Variants in TMEM132B observed in about 807,000 individuals in gnomAD.
TMEM132B encodes transmembrane protein 132B.
TMEM132B carries 18 observed loss-of-function variants against 90.8 expected under a neutral mutation model. That is an observed-to-expected ratio of 0.20 (90% CI 0.14 to 0.29). The LOEUF is 0.29. Ranked by LOEUF, TMEM132B falls within the 10% of genes least tolerant of loss-of-function variation. TMEM132B has a pLI of 1.00. For missense variants in TMEM132B, 1,096 were observed against 1,326.8 expected (o/e 0.83, Z 2.70); for synonymous variants, 504 against 523.3 (o/e 0.96, Z 0.50).
chr12:125,434,438 G>C (rs1880638950), intron 3 of TMEM132B, among the ~76,000 whole-genome samples: 1 of 150,320 alleles, frequency 6.7e-6, no homozygotes, highest in African/African-American at 2.5e-5. Flanking sequence ...TCTGTAATGT[G>C]TGTGTCCTTG....
At chr12:125,435,976 C>T (rs978268869) in intron 3 of TMEM132B, among the ~76,000 whole-genome samples, 4 of 152,074 alleles carry the variant, frequency 2.6e-5, no homozygotes, top group African/African-American at 9.7e-5. Context: ...CTCGGTGCCC[C>T]ACAGGGAGGT....
intron 1 of TMEM132B, among the ~76,000 whole-genome samples, chr12:125,271,096 G>A (rs1042141057): frequency 6.6e-6 from 1 of 152,188 alleles, no homozygotes; most frequent in Middle Eastern, 3.4e-3. Flanking sequence ...GACTATAGGT[G>A]TGCACCACCA....
intron 5 of TMEM132B, among the ~76,000 whole-genome samples, chr12:125,631,399 T>C (rs1886365422): frequency 6.6e-6 from 1 of 152,180 alleles, no homozygotes; most frequent in East Asian, 1.9e-4. Context: ...ACTTGTTTTG[T>C]GACCTAACAT....
rs532355178 is a variant in TMEM132B at position 125,344,451 on chromosome 12, C to G, written c.68-5001C>G. Among the ~76,000 whole-genome samples the G allele has an allele frequency of 5.9e-3, 904 of 152,258 alleles. 5 individuals are homozygous for G. The highest frequency in any genetic ancestry group is 0.011 in the Non-Finnish European group (725 of 68,008). On this transcript the variant is annotated intron_variant, in intron 1 of 8. Coordinates refer to ENST00000682704, the MANE Select transcript of TMEM132B (RefSeq NM_001366854.1). ...AGGGGAAGAGGTTAGGTTATCAGAA[C>G]CCAGAAGCTGCTGGGTTAAGCATTA...
chr12:125,399,630 A>T (rs1469714489), intron 2 of TMEM132B, among the ~76,000 whole-genome samples: 1 of 152,106 alleles, frequency 6.6e-6, no homozygotes, highest in Non-Finnish European at 1.5e-5. Flanking sequence ...CAGAACTGTG[A>T]GAGCGTAAGT....
intron 3 of TMEM132B, among the ~76,000 whole-genome samples, chr12:125,475,089 G>A (rs1477843454): frequency 6.6e-6 from 1 of 152,134 alleles, no homozygotes; most frequent in Non-Finnish European, 1.5e-5. Context: ...GAAGGGGGAG[G>A]TGGATTACAG....
intron 1 of TMEM132B, among the ~76,000 whole-genome samples, chr12:125,258,997 C>T (rs928306399): frequency 6.6e-6 from 1 of 152,130 alleles, no homozygotes; most frequent in African/African-American, 2.4e-5. Context: ...CAGTCAGCAA[C>T]AACACCATGG....
intron 3 of TMEM132B, among the ~76,000 whole-genome samples, chr12:125,431,230 G>A (rs1880494669): frequency 6.6e-6 from 1 of 152,116 alleles, no homozygotes; most frequent in Non-Finnish European, 1.5e-5. Flanking sequence ...GGGAGCCCAG[G>A]TGAGGGCTAT....
At chr12:125,540,847 T>A (rs901753506) in intron 4 of TMEM132B, among the ~76,000 whole-genome samples, 5 of 152,268 alleles carry the variant, frequency 3.3e-5, no homozygotes, top group African/African-American at 1.2e-4. Flanking sequence ...GAAATCCTTA[T>A]CATGACCTAG....
rs1879980998 is a variant in TMEM132B at position 125,415,404 on chromosome 12, C to T, written c.960-127C>T. 2.5e-6 allele frequency: 3 copies of T among 1,224,484 alleles called. No homozygotes were observed. The highest frequency in any genetic ancestry group is 2.2e-6 in the Non-Finnish European group (2 of 894,294). The allele number at this position is 1,224,484 out of a possible 1,614,324, so 75.9% of individuals were successfully genotyped here. A position where few individuals can be genotyped will look rare whatever the true frequency, so the allele number is the denominator to read the frequency against. On this transcript the variant is annotated intron_variant, in intron 2 of 8. Transcript: ENST00000682704. The surrounding 1 kb of genome is among the most constrained non-coding windows in gnomAD (Gnocchi z 5.3). Reference sequence around the variant, plus strand: ...CACTTGCCACCACTCTCCCCCACATCTCCCAGAGGAAGGGGGCGATGTTAC... The same window carrying T: ...CACTTGCCACCACTCTCCCCCACATTTCCCAGAGGAAGGGGGCGATGTTAC...
chr12:125,236,447 G>A (rs573748056), intron 1 of TMEM132B, among the ~76,000 whole-genome samples: 14 of 152,202 alleles, frequency 9.2e-5, no homozygotes, highest in African/African-American at 3.4e-4. Flanking sequence ...GTGAGCCACC[G>A]CTCCCGGTCA....
intron 6 of TMEM132B, among the ~76,000 whole-genome samples, chr12:125,648,096 T>TC (rs1285736210): frequency 4.0e-5 from 5 of 124,624 alleles, no homozygotes; most frequent in Non-Finnish European, 8.0e-5. Context: ...ATATTCCCCT[T>TC]CCTGTGACCA....
intron 4 of TMEM132B, among the ~76,000 whole-genome samples, chr12:125,550,045 G>T (rs920444161): frequency 6.6e-6 from 1 of 152,210 alleles, no homozygotes; most frequent in Non-Finnish European, 1.5e-5. Context: ...ACGCTAGAGG[G>T]ACAGTGTGGG....
chr12:125,354,620 C>T (rs1323408807), intron 2 of TMEM132B, among the ~76,000 whole-genome samples: 1 of 152,202 alleles, frequency 6.6e-6, no homozygotes, highest in Non-Finnish European at 1.5e-5. Flanking sequence ...TCTATAAAGG[C>T]AGGCATTGCC....
At chr12:125,297,455 A>G (rs188275307) in intron 1 of TMEM132B, among the ~76,000 whole-genome samples, 14 of 152,276 alleles carry the variant, frequency 9.2e-5, no homozygotes, top group South Asian at 2.1e-4. Flanking sequence ...TGTTCCCAAC[A>G]CCATCCATCC....
rs112835810 is a variant in TMEM132B at position 125,450,298 on chromosome 12, T to C, written c.1106+34621T>C. Reference sequence around the variant, plus strand: ...TGAACCTGTTGTGTCTTGTTAGTTATGCCAAAAAATTAGGAAGATAAAAAA... The same window carrying C: ...TGAACCTGTTGTGTCTTGTTAGTTACGCCAAAAAATTAGGAAGATAAAAAA... On this transcript the variant is annotated intron_variant, in intron 3 of 8. Transcript: ENST00000682704. Among the ~76,000 whole-genome samples, 655 of 152,312 alleles carry C rather than the reference T, an allele frequency of 4.3e-3. 4 individuals carry two copies. Among genetic ancestry groups the C allele is most frequent in the South Asian group, 0.014 (67 of 4,828 alleles).
intron 5 of TMEM132B, among the ~76,000 whole-genome samples, chr12:125,620,864 C>T (rs1274376494): frequency 6.6e-6 from 1 of 152,142 alleles, no homozygotes; most frequent in Non-Finnish European, 1.5e-5. Context: ...GAGTAACTGC[C>T]CCAATGATTC....
rs570981472 is a variant in TMEM132B at position 125,349,516 on chromosome 12, C to T, written c.132C>T (p.Pro44=). 3.7e-6 allele frequency: 6 copies of T among 1,614,034 alleles called. No homozygotes were observed. In the South Asian group the frequency reaches 5.5e-5, roughly 15 times the overall value. ...TTTCCTCGCTCCCTGCTTACCTCCCCACGAACTTGCACATCTCCAATGCAG... is the reference window on the plus strand; with the variant it reads ...TTTCCTCGCTCCCTGCTTACCTCCCTACGAACTTGCACATCTCCAATGCAG... The part of the protein sequence containing the change: ...QKFSSLPAYL[P]TNLHISNAEE... Residue 44 remains proline, a synonymous_variant, in exon 2 of 9, where the codon CCC becomes CCT. Transcript: ENST00000682704. The surrounding 1 kb of genome is among the most constrained non-coding windows in gnomAD (Gnocchi z 4.1).
intron 1 of TMEM132B, among the ~76,000 whole-genome samples, chr12:125,248,147 C>T (rs970244413): frequency 6.6e-6 from 1 of 152,178 alleles, no homozygotes; most frequent in Non-Finnish European, 1.5e-5. Flanking sequence ...CTGTCACCTG[C>T]AGGCATTTTG....
Sources: gnomAD v4.1 joint callset for allele counts (sites outside exome capture counted in the v4.1 genomes callset) on GRCh38, gnomAD v4.1.1 for gene constraint, Gnocchi (gnomAD v3.1) non-coding constraint, MANE v1.5 for transcripts, NCBI Gene and HGNC (gene_info 2026-07-23, HGNC 2026-07-21) for gene names.